Variants in LAPTM4B observed in about 807,000 individuals in gnomAD.
The protein encoded by LAPTM4B is lysosomal-associated transmembrane protein 4B.
In LAPTM4B, 26 loss-of-function variants were observed where a neutral mutation model predicts 28.5. The observed-to-expected ratio is 0.91, with a 90% CI of 0.67 to 1.27. The LOEUF (loss-of-function observed/expected upper bound fraction) is 1.27, where lower values mean the gene tolerates loss of function less well. Ranked by LOEUF, LAPTM4B falls within the 50% of genes most tolerant of loss-of-function variation. The pLI, the probability that LAPTM4B is intolerant of heterozygous loss-of-function variation, is 0.00. For missense variants in LAPTM4B, 288 were observed against 285.8 expected (o/e 1.01, Z -0.06); for synonymous variants, 109 against 106.4 (o/e 1.02, Z -0.15).
rs570542131 is a variant in LAPTM4B at position 97,838,370 on chromosome 8, C to T, written c.604-13027C>T. Among the ~76,000 whole-genome samples the T allele has an allele frequency of 5.9e-5, 9 of 152,334 alleles. No homozygotes were observed. In the South Asian group the frequency reaches 1.9e-3, roughly 32 times the overall value. On this transcript the variant is annotated intron_variant, in intron 6 of 6. Coordinates refer to ENST00000521545, the MANE Select transcript of LAPTM4B (RefSeq NM_018407.6). The stretch of plus-strand genomic sequence containing the variant: ...ACTCCTCTCTGCATCTCTTAGACCT[C>T]CCTACTCTTGTGTTTGTATCATAGG...
chr8:97,851,299 G>C (rs1817519629), intron 6 of LAPTM4B, 98 bp from the exon 7 acceptor site: 7 of 937,156 alleles, frequency 7.5e-6, no homozygotes, highest in Non-Finnish European at 1.2e-5. Flanking sequence ...ACAAGTTGTG[G>C]AACATGTTTA....
At chr8:97,843,681 G>A (rs1036755165) in intron 6 of LAPTM4B, among the ~76,000 whole-genome samples, 3 of 152,058 alleles carry the variant, frequency 2.0e-5, no homozygotes, top group Non-Finnish European at 4.4e-5. Flanking sequence ...TTGGGAGGCC[G>A]AGGCAGGAGA....
chr8:97,818,852 A>G (rs1459707050), intron 4 of LAPTM4B, among the ~76,000 whole-genome samples: 3 of 148,820 alleles, frequency 2.0e-5, no homozygotes, highest in Non-Finnish European at 4.5e-5. Context: ...CGACAGAGAG[A>G]AACTCCATCT....
chr8:97,825,692 T>C (rs1817081222), intron 6 of LAPTM4B, among the ~76,000 whole-genome samples: 1 of 152,238 alleles, frequency 6.6e-6, no homozygotes, highest in Non-Finnish European at 1.5e-5. Context: ...ATAAAAGATT[T>C]TTGAAAACAT....
chr8:97,776,698 C>G (rs572990911), intron 1 of LAPTM4B, among the ~76,000 whole-genome samples: 19 of 152,070 alleles, frequency 1.2e-4, no homozygotes, highest in East Asian at 5.8e-4. Flanking sequence ...GGTCCCCCCC[C>G]CGATGTTTTA....
intron 6 of LAPTM4B, among the ~76,000 whole-genome samples, chr8:97,848,772 G>C (rs866190453): frequency 6.6e-6 from 1 of 152,304 alleles, no homozygotes; most frequent in East Asian, 1.9e-4. Flanking sequence ...GCTCAGTCTT[G>C]CTAAAATTAA....
intron 2 of LAPTM4B, among the ~76,000 whole-genome samples, chr8:97,813,554 A>G (rs1477469431): frequency 6.6e-6 from 1 of 152,220 alleles, no homozygotes; most frequent in Non-Finnish European, 1.5e-5. Context: ...AGTCCAGTCA[A>G]GTTGACACTC....
In LAPTM4B at chr8:97,815,329, CAT is replaced by C. The variant is rs1816892738; in HGVS notation, c.214_215del (p.Met72ValfsTer39). 1.9e-6 allele frequency: 3 copies of C among 1,613,086 alleles called. No individual in the cohort carries two copies. Among genetic ancestry groups the C allele is most frequent in the African/African-American group, 1.3e-5 (1 of 75,036 alleles). On this transcript the variant is annotated frameshift_variant and splice_region_variant, in exon 3 of 7. Coordinates refer to ENST00000521545, the MANE Select transcript of LAPTM4B (RefSeq NM_018407.6). LOFTEE classifies it high-confidence loss of function. ...AAATTCTTTTTAATCTTTCGGCAGA[CAT>C]GTGCATTGCCATTGCGATTTCTCTT... ...GDFEFMDDAN[M>X]CIAIAISLLM... is the part of the protein sequence containing the mutation.
Position 97,825,069 on chromosome 8 carries a change from T to A in LAPTM4B, c.519T>A (p.Ile173=). The A allele has an allele frequency of 6.2e-7, 1 of 1,603,090 alleles. No homozygotes were observed. The highest frequency in any genetic ancestry group is 1.1e-5 in the South Asian group (1 of 90,610). ...CTCCTCATTTTCAGGGTTACTTGAT[T>A]AGCTGTGTTTGGAACTGCTACCGAT... ...SIILTFKGYL[I]SCVWNCYRYI... is the part of the protein sequence containing the mutation. The change falls in exon 6 of 7, where the codon ATT becomes ATA. Residue 173 remains isoleucine (I), a synonymous_variant. Transcript: ENST00000521545.
intron 3 of LAPTM4B, 60 bp downstream of exon 3, chr8:97,815,461 G>A: frequency 8.6e-7 from 1 of 1,162,238 alleles, no homozygotes; most frequent in South Asian, 1.2e-5. Context: ...TGTAATCTGT[G>A]CTGCTGTCTA....
At chr8:97,831,341 G>A (rs1197557989) in intron 6 of LAPTM4B, among the ~76,000 whole-genome samples, 1 of 152,166 alleles carries the variant, frequency 6.6e-6, no homozygotes, top group African/African-American at 2.4e-5. Flanking sequence ...TATCAACCCA[G>A]ACTAGGAGGG....
intron 2 of LAPTM4B, among the ~76,000 whole-genome samples, chr8:97,807,817 A>G (rs1027478301): frequency 1.3e-5 from 2 of 151,500 alleles, no homozygotes; most frequent in Non-Finnish European, 2.9e-5. Context: ...TCTAGCCATC[A>G]TCTTCCACCA....
chr8:97,807,294 C>T (rs920309912), intron 2 of LAPTM4B, among the ~76,000 whole-genome samples: 6 of 152,064 alleles, frequency 3.9e-5, no homozygotes, highest in African/African-American at 1.2e-4. Context: ...AGACTGGCCA[C>T]GGTGGCTCAC....
At chr8:97,819,312 T>G in intron 5 of LAPTM4B, 74 bp downstream of exon 5, 1 of 906,044 alleles carries the variant, frequency 1.1e-6, no homozygotes, top group Non-Finnish European at 1.7e-6. Flanking sequence ...TAAACAAACT[T>G]TGGTCAGTTT....
chr8:97,826,662 C>A, intron 6 of LAPTM4B, among the ~76,000 whole-genome samples: 1 of 152,230 alleles, frequency 6.6e-6, no homozygotes, highest in East Asian at 1.9e-4. Flanking sequence ...GTGCCCACCA[C>A]CACGCCCGGC....
intron 2 of LAPTM4B, among the ~76,000 whole-genome samples, chr8:97,812,165 C>T (rs548706386): frequency 3.4e-4 from 52 of 150,952 alleles, no homozygotes; most frequent in Non-Finnish European, 6.2e-4. Context: ...GCATACTCTA[C>T]ATCTTGACTT....
intron 6 of LAPTM4B, among the ~76,000 whole-genome samples, chr8:97,831,497 G>A (rs1218712145): frequency 6.6e-6 from 1 of 152,134 alleles, no homozygotes; most frequent in Non-Finnish European, 1.5e-5. Flanking sequence ...ACAGTGAGAT[G>A]TGCTTGTTTT....
At chr8:97,796,688 C>T (rs1404272450) in intron 1 of LAPTM4B, among the ~76,000 whole-genome samples, 1 of 152,104 alleles carries the variant, frequency 6.6e-6, no homozygotes, top group Non-Finnish European at 1.5e-5. Flanking sequence ...TCCTGTAATC[C>T]CAGCACTTTG....
intron 5 of LAPTM4B, among the ~76,000 whole-genome samples, chr8:97,822,215 A>G (rs886744886): frequency 3.0e-4 from 45 of 151,410 alleles, no homozygotes; most frequent in African/African-American, 1.0e-3. Flanking sequence ...ACAGACTCAC[A>G]TCTCACTCAT....
Sources: allele counts gnomAD v4.1 joint callset (sites outside exome capture counted in the v4.1 genomes callset), GRCh38; gene constraint gnomAD v4.1.1; transcripts MANE v1.5; gene names NCBI Gene and HGNC (gene_info 2026-07-23, HGNC 2026-07-21).